The following HELZ2 variants were observed in gnomAD, a reference collection of about 807,000 sequenced individuals.
The protein encoded by HELZ2 is helicase with zinc finger 2.
HELZ2 carries 143 observed loss-of-function variants against 208.8 expected under a neutral mutation model. That is an observed-to-expected ratio of 0.68 (90% CI 0.60 to 0.79). The LOEUF (loss-of-function observed/expected upper bound fraction) is 0.79, where lower values mean the gene tolerates loss of function less well. HELZ2 is among the 30% of genes least tolerant of loss of function. The pLI, the probability that HELZ2 is intolerant of heterozygous loss-of-function variation, is 0.00. For synonymous variants in HELZ2, 1,705 were observed against 1,693.7 expected, an observed-to-expected ratio of 1.01 and a Z score of -0.16; for missense variants, 3,690 against 3,794.5, an observed-to-expected ratio of 0.97 and a Z score of 0.72.
chr20:63,558,931 G>A (rs1600962262), downstream of HELZ2: 1 of 265,540 alleles, frequency 3.8e-6, no homozygotes, highest in African/African-American at 2.2e-5. Flanking sequence ...AGGTCAAAGG[G>A]CAGCCTCCAC....
At chr20:63,572,594 A>C (rs1479977272), upstream of HELZ2, 3 of 561,704 alleles carry the variant, frequency 5.3e-6, no homozygotes, top group Non-Finnish European at 6.2e-6. Context: ...CTGGGGGTCC[A>C]CGCGACAGAT....
upstream of HELZ2, chr20:63,572,725 C>T (rs1196661946): frequency 1.6e-5 from 5 of 304,230 alleles, no homozygotes; most frequent in Non-Finnish European, 3.1e-5. Flanking sequence ...CCTGCACCTC[C>T]GCCTTCAGCC....
exon 6 of HELZ2, chr20:63,566,886 G>A (rs777434188): frequency 6.2e-6 from 10 of 1,606,952 alleles, no homozygotes; most frequent in Non-Finnish European, 8.5e-6. Context: ...TCTGCTCGCG[G>A]CCGCCCCAGC....
chr20:63,560,389 G>A, intron 16 of HELZ2, 62 bp from the exon 18 acceptor site: 1 of 1,578,942 alleles, frequency 6.3e-7, no homozygotes, highest in African/African-American at 1.3e-5. Context: ...CCTCCAGGAA[G>A]CCCTCCCTGA....
In HELZ2 at chr20:63,561,758, G is replaced by A. The variant is rs375387987; in HGVS notation, c.6692-13C>T. On this transcript the variant is annotated splice_polypyrimidine_tract_variant and intron_variant, in intron 11 of 18. Transcript: ENST00000467148. ...CTCAGGAGCAGTCCTGAGGGTAGTTGGGGGACGTGAGTCCTGCCCCGCGTG... is the reference window on the plus strand; with the variant it reads ...CTCAGGAGCAGTCCTGAGGGTAGTTAGGGGACGTGAGTCCTGCCCCGCGTG... The A allele has an allele frequency of 1.9e-6, 3 of 1,582,006 alleles. No individual in the cohort carries two copies. Among genetic ancestry groups the A allele is most frequent in the South Asian group, 2.3e-5 (2 of 87,982 alleles).
At chr20:63,562,803 A>T in exon 8 of HELZ2, 3 of 1,610,232 alleles carry the variant, frequency 1.9e-6, no homozygotes, top group Non-Finnish European at 2.5e-6. Context: ...ATGCAGAGGT[A>T]GCAGCAGCTG....
At chr20:63,562,454 C>T (rs930772516) in intron 8 of HELZ2, 66 bp downstream of exon 9, 11 of 1,528,230 alleles carry the variant, frequency 7.2e-6, no homozygotes, top group South Asian at 1.2e-5. Flanking sequence ...ACGAGCTCCC[C>T]CCTCCTGCAA....
chr20:63,564,509 C>T, exon 8 of HELZ2: 1 of 1,586,388 alleles, frequency 6.3e-7, no homozygotes, highest in Non-Finnish European at 8.6e-7. Flanking sequence ...CTTCAGCTGG[C>T]CACTGGCCTT....
downstream of HELZ2, chr20:63,559,074 G>T: frequency 1.4e-6 from 1 of 701,770 alleles, no homozygotes; most frequent in Non-Finnish European, 2.3e-6. Flanking sequence ...AGAGTGTGGG[G>T]ACCGGCCCTT....
exon 4 of HELZ2, chr20:63,569,470 C>T (rs1244353151): frequency 5.0e-6 from 8 of 1,611,112 alleles, no homozygotes; most frequent in African/African-American, 2.7e-5. Context: ...CGGCCAAAGT[C>T]GAAGACCACC....
upstream of HELZ2, among the ~76,000 whole-genome samples, chr20:63,573,972 C>T (rs1464803169): frequency 6.6e-6 from 1 of 152,162 alleles, no homozygotes; most frequent in Non-Finnish European, 1.5e-5. This position sits in a 1 kb window ranked among gnomAD's most constrained non-coding sequence, Gnocchi z 4.9. Flanking sequence ...AGCGCTGGGT[C>T]TTGCTGCGGA....
At chr20:63,562,618 G>T in exon 8 of HELZ2, 1 of 1,593,606 alleles carries the variant, frequency 6.3e-7, no homozygotes. Flanking sequence ...GGTGGACGAA[G>T]AGGTGCACCC....
chr20:63,564,643 G>A (rs184567936), exon 8 of HELZ2: 23 of 1,566,650 alleles, frequency 1.5e-5, no homozygotes, highest in Middle Eastern at 1.7e-4. Context: ...AGAACGCAGC[G>A]CCCTGCCTTC....
exon 8 of HELZ2, chr20:63,564,792 T>A (rs1257966649): frequency 2.5e-6 from 4 of 1,610,846 alleles, no homozygotes; most frequent in Non-Finnish European, 3.4e-6. Context: ...GGGTCCACAG[T>A]GAAGGTCAAG....
exon 8 of HELZ2, chr20:63,565,489 C>G: frequency 5.0e-6 from 8 of 1,607,032 alleles, no homozygotes; most frequent in Non-Finnish European, 6.8e-6. Flanking sequence ...GGGGCAGGTT[C>G]TCGTACAGCC....
chr20:63,560,424 C>T (rs2082873036), intron 16 of HELZ2, 55 bp downstream of exon 17: 2 of 1,596,656 alleles, frequency 1.3e-6, no homozygotes, highest in African/African-American at 1.3e-5. Context: ...ACACTCACCA[C>T]CTCAGCCACC....
In HELZ2 at chr20:63,566,364, C is replaced by T. The variant is rs376917048; in HGVS notation, c.2590+14G>A. Reference sequence around the variant, plus strand: ...TGGGGCAGCTGGCAGCACCTGGCCCCGCTGGTCACCCACCTGGCAGGATCT... The same window carrying T: ...TGGGGCAGCTGGCAGCACCTGGCCCTGCTGGTCACCCACCTGGCAGGATCT... On this transcript the variant is annotated intron_variant, in intron 7 of 18. Coordinates refer to ENST00000467148, the Ensembl canonical transcript of HELZ2. 18 of 1,547,384 alleles carry T rather than the reference C, an allele frequency of 1.2e-5. No homozygotes were observed. The East Asian group carries it at 2.7e-4, about 23-fold the overall frequency.
rs780861682 is a variant in HELZ2 at position 63,562,656 on chromosome 20, G to A, written c.6166C>T (p.Arg2056Trp). ...CTGGGAGCCTCCTGCCGGTCTGCCC[G>A]GCGCTCCTGGTCCCAGTCCTGCGTC... The change falls in exon 8 of 19, where the codon CGG (arginine) becomes TGG (tryptophan). Residue 2056 changes from arginine (R) to tryptophan (W), a missense_variant. By Grantham distance (101) the Arg-to-Trp change is moderately radical (BLOSUM62 -3). Transcript: ENST00000467148. 2.0e-5 allele frequency: 32 copies of A among 1,595,424 alleles called. 1 individual carries two copies. The highest frequency in any genetic ancestry group is 1.6e-4 in the Middle Eastern group (1 of 6,066).
intron 18 of HELZ2, 45 bp downstream of exon 19, chr20:63,559,883 C>T: frequency 6.3e-7 from 1 of 1,593,306 alleles, no homozygotes. Flanking sequence ...CCAGCCCTGG[C>T]CTCACCTGTG....
Sources: allele counts gnomAD v4.1 joint callset (sites outside exome capture counted in the v4.1 genomes callset), GRCh38; gene constraint gnomAD v4.1.1; non-coding constraint Gnocchi (gnomAD v3.1); transcripts MANE v1.5; gene names NCBI Gene and HGNC (gene_info 2026-07-23, HGNC 2026-07-21).